OMA1: variants seen among roughly 807,000 people sequenced by gnomAD.
OMA1 encodes OMA1 zinc metallopeptidase, also known as metalloendopeptidase OMA1, mitochondrial.
In OMA1, 38 loss-of-function variants were observed where a neutral mutation model predicts 30.9. The observed-to-expected ratio is 1.23, with a 90% CI of 0.95 to 1.61. OMA1 has a LOEUF of 1.61. Ranked by LOEUF, OMA1 falls within the 40% of genes most tolerant of loss-of-function variation. OMA1 has a pLI of 0.00. For missense variants in OMA1, 461 were observed against 349.2 expected, an observed-to-expected ratio of 1.32 and a Z score of -2.55; for synonymous variants, 173 against 121.9, an observed-to-expected ratio of 1.42 and a Z score of -2.76.
At chr1:58,492,786 C>T (rs530361718) in intron 8 of OMA1, among the ~76,000 whole-genome samples, 2 of 152,200 alleles carry the variant, frequency 1.3e-5, no homozygotes, top group Non-Finnish European at 2.9e-5. Context: ...AGCTTACCAA[C>T]CAAAAAAAGT....
Position 58,534,140 on chromosome 1 carries a change from T to C in OMA1, c.903+18A>G, listed in dbSNP as rs765683695. On this transcript the variant is annotated intron_variant, in intron 4 of 8. Transcript: ENST00000371226. ...AATAAATTTAACAATTACAATGCGT[T>C]TGAGAACATTTACTTACTGGAAGCA... is the stretch of plus-strand genomic sequence containing the variant. The C allele has an allele frequency of 2.3e-6, 2 of 869,092 alleles. No homozygotes were observed. The allele number at this position is 869,092 out of a possible 1,614,324, so 53.8% of individuals were successfully genotyped here.
At chr1:58,525,732 A>G (rs1306664880) in intron 7 of OMA1, among the ~76,000 whole-genome samples, 2 of 152,162 alleles carry the variant, frequency 1.3e-5, no homozygotes, top group Admixed American at 1.3e-4. Context: ...TCTAAAATGT[A>G]TATAGAAATG....
At chr1:58,482,858 G>C (rs543578528) in intron 8 of OMA1, among the ~76,000 whole-genome samples, 6 of 152,234 alleles carry the variant, frequency 3.9e-5, no homozygotes, top group Admixed American at 1.3e-4. Flanking sequence ...GGCAGGAGCA[G>C]ATTATGTAGG....
chr1:58,509,858 C>G (rs1262213978), intron 7 of OMA1, among the ~76,000 whole-genome samples: 1 of 152,000 alleles, frequency 6.6e-6, no homozygotes, highest in Admixed American at 6.6e-5. Flanking sequence ...AGAGACTACT[C>G]TGAACAATTA....
At chr1:58,495,395 T>C (rs527722324) in intron 8 of OMA1, among the ~76,000 whole-genome samples, 1 of 152,314 alleles carries the variant, frequency 6.6e-6, no homozygotes, top group Non-Finnish European at 1.5e-5. Flanking sequence ...GTTGTGCACA[T>C]GTACCCTAAA....
chr1:58,541,527 A>G (rs1259737629), intron 1 of OMA1: 2 of 147,694 alleles, frequency 1.4e-5, no homozygotes, highest in African/African-American at 5.0e-5. Context: ...GAGGCAGGAG[A>G]ATCACTTGAA....
intron 8 of OMA1, among the ~76,000 whole-genome samples, chr1:58,501,036 T>C (rs977498426): frequency 3.3e-5 from 5 of 152,210 alleles, no homozygotes; most frequent in African/African-American, 1.2e-4. Context: ...GCTCTTCATT[T>C]TTTCACCCAA....
rs751156811 is a variant in OMA1 at position 58,527,257 on chromosome 1, T to C, written c.1215+4A>G. Reference sequence around the variant, plus strand: ...TATGTATTCTCAACTACTAAACACTTTACCTTTGCAGCAAGCAGTAGTCCA... The same window carrying C: ...TATGTATTCTCAACTACTAAACACTCTACCTTTGCAGCAAGCAGTAGTCCA... On this transcript the variant is annotated splice_donor_region_variant and intron_variant, in intron 7 of 8. Transcript: ENST00000371226. The C allele has an allele frequency of 3.4e-6, 3 of 872,088 alleles. No individual in the cohort carries two copies. In the South Asian group the frequency reaches 3.9e-5, roughly 11 times the overall value. 54.0% of individuals were successfully genotyped at this position (872,088 alleles called of 1,614,324 possible).
intron 8 of OMA1, among the ~76,000 whole-genome samples, chr1:58,500,726 T>C (rs1472896169): frequency 6.6e-6 from 1 of 152,176 alleles, no homozygotes; most frequent in Admixed American, 6.5e-5. Flanking sequence ...ATTTTTCCTA[T>C]ACATTCTATC....
At chr1:58,499,174 T>C (rs1469223660) in intron 8 of OMA1, among the ~76,000 whole-genome samples, 1 of 151,432 alleles carries the variant, frequency 6.6e-6, no homozygotes, top group Non-Finnish European at 1.5e-5. Flanking sequence ...ATATGGAATC[T>C]AAAAAAGTCC....
At chr1:58,521,153 T>A (rs1468337790) in intron 7 of OMA1, among the ~76,000 whole-genome samples, 2 of 152,136 alleles carry the variant, frequency 1.3e-5, no homozygotes, top group Non-Finnish European at 2.9e-5. Context: ...TTTAAAATCA[T>A]CAAATGTTCA....
intron 7 of OMA1, among the ~76,000 whole-genome samples, chr1:58,519,176 T>C (rs1646220938): frequency 6.6e-6 from 1 of 152,200 alleles, no homozygotes. Flanking sequence ...CCACAATGAA[T>C]GGGAAAACCC....
intron 7 of OMA1, among the ~76,000 whole-genome samples, chr1:58,521,745 TTAAAGA>T (rs1186419581): frequency 6.6e-6 from 1 of 152,164 alleles, no homozygotes; most frequent in African/African-American, 2.4e-5. Flanking sequence ...TCTATATCTA[TTAAAGA>T]GACTGAATCC....
chr1:58,493,177 C>G (rs1369095867), intron 8 of OMA1, among the ~76,000 whole-genome samples: 1 of 152,178 alleles, frequency 6.6e-6, no homozygotes, highest in African/African-American at 2.4e-5. Context: ...ACATGATTAT[C>G]TCAATAGATG....
At chr1:58,514,690 C>T (rs894701606) in intron 7 of OMA1, among the ~76,000 whole-genome samples, 3 of 152,120 alleles carry the variant, frequency 2.0e-5, no homozygotes, top group African/African-American at 7.2e-5. Context: ...GGGAGCTGGG[C>T]TCCTACAGCT....
intron 8 of OMA1, among the ~76,000 whole-genome samples, chr1:58,502,908 A>G (rs1645928780): frequency 6.6e-6 from 1 of 152,214 alleles, no homozygotes; most frequent in Non-Finnish European, 1.5e-5. Context: ...CTGAACTAGG[A>G]TAGTTTATTT....
At chr1:58,503,021 A>G in intron 8 of OMA1, among the ~76,000 whole-genome samples, 1 of 152,172 alleles carries the variant, frequency 6.6e-6, no homozygotes. Flanking sequence ...ATTCATTATT[A>G]TTTTAAAGAC....
intron 8 of OMA1, among the ~76,000 whole-genome samples, chr1:58,482,966 T>C (rs1367852236): frequency 6.6e-6 from 1 of 152,198 alleles, no homozygotes; most frequent in East Asian, 1.9e-4. Flanking sequence ...GAGGCCCAGA[T>C]ACCATGTCTC....
chr1:58,536,890 A>T, intron 2 of OMA1, 149 bp from the exon 3 acceptor site: 1 of 575,744 alleles, frequency 1.7e-6, no homozygotes, highest in Admixed American at 3.3e-5. Flanking sequence ...AATTAATAAA[A>T]TTCTTAGCTA....
Sources: allele counts gnomAD v4.1 joint callset (sites outside exome capture counted in the v4.1 genomes callset), GRCh38; gene constraint gnomAD v4.1.1; transcripts MANE v1.5; gene names NCBI Gene and HGNC (gene_info 2026-07-23, HGNC 2026-07-21).